Variants in ALOX5 observed in about 807,000 individuals in gnomAD.
ALOX5 encodes arachidonate 5-lipoxygenase.
Under a neutral mutation model 87.9 loss-of-function variants are expected in ALOX5, and 64 were observed. The ratio of observed to expected loss-of-function variants is 0.73; its 90% CI spans 0.60 to 0.90. The LOEUF is 0.90. Among genes scored for constraint, ALOX5 ranks in the 40% least tolerant of loss-of-function variants. ALOX5 has a pLI of 0.00. For missense variants in ALOX5, 822 were observed against 907.5 expected (o/e 0.91, Z 1.21); for synonymous variants, 388 against 355.1 (o/e 1.09, Z -1.04).
chr10:45,440,360 G>A, intron 7 of ALOX5, 70 bp from the exon 8 acceptor site: 2 of 1,509,594 alleles, frequency 1.3e-6, no homozygotes, highest in Non-Finnish European at 1.8e-6. Context: ...TTCCCAAGAG[G>A]CGAAGTTCTC....
At chr10:45,409,404 T>G (rs1330578515) in intron 3 of ALOX5, among the ~76,000 whole-genome samples, 1 of 152,220 alleles carries the variant, frequency 6.6e-6, no homozygotes, top group African/African-American at 2.4e-5. Flanking sequence ...CTTTGTCTGT[T>G]TCTCTATTGA....
chr10:45,437,558 G>A (rs1345361971), intron 7 of ALOX5, among the ~76,000 whole-genome samples: 1 of 152,184 alleles, frequency 6.6e-6, no homozygotes, highest in Admixed American at 6.5e-5. Context: ...AAGGGAATGA[G>A]TACATTCTAT....
At chr10:45,445,300 A>C (rs1842401469) in intron 13 of ALOX5, among the ~76,000 whole-genome samples, 2 of 152,194 alleles carry the variant, frequency 1.3e-5, no homozygotes, top group East Asian at 3.9e-4. Flanking sequence ...CCAGCCCTGG[A>C]GCCTTCCTTA....
intron 7 of ALOX5, among the ~76,000 whole-genome samples, chr10:45,432,915 A>C (rs529935538): frequency 1.3e-5 from 2 of 152,262 alleles, no homozygotes; most frequent in Non-Finnish European, 1.5e-5. Context: ...GACAGCTAAG[A>C]GATGCCTATC....
intron 3 of ALOX5, among the ~76,000 whole-genome samples, chr10:45,398,844 C>A (rs181424761): frequency 1.1e-3 from 174 of 152,284 alleles, no homozygotes; most frequent in African/African-American, 3.9e-3. Flanking sequence ...GAAATCAGAA[C>A]CCTCATACAC....
intron 4 of ALOX5, among the ~76,000 whole-genome samples, chr10:45,422,208 AG>A (rs968546868): frequency 1.3e-5 from 2 of 152,140 alleles, no homozygotes; most frequent in African/African-American, 4.8e-5. Flanking sequence ...GCATGTTCAC[AG>A]GGTGATTCCC....
Position 45,412,223 on chromosome 10 carries a change from G to A in ALOX5, c.464G>A (p.Ser155Asn), listed in dbSNP as rs201476005. 10 of 1,614,100 alleles carry A rather than the reference G, an allele frequency of 6.2e-6. No homozygotes were observed. Among genetic ancestry groups the A allele is most frequent in the African/African-American group, 1.3e-5 (1 of 75,006 alleles). ...GAGTGGAACCCTGGCTTCCCCTTGA[G>A]CATCGATGCCAAATGCCACAAGGAT... ...WMEWNPGFPL[S>N]IDAKCHKDLP... Residue 155 changes from serine (S) to asparagine (N), a missense_variant, in exon 4 of 14, where the codon AGC (serine) becomes AAC (asparagine). By Grantham distance (46) the Ser-to-Asn change is conservative (BLOSUM62 1). Transcript: ENST00000374391.
intron 2 of ALOX5, among the ~76,000 whole-genome samples, chr10:45,384,362 T>C (rs1282660422): frequency 6.6e-6 from 1 of 152,188 alleles, no homozygotes; most frequent in Non-Finnish European, 1.5e-5. Flanking sequence ...AGTTCCATTC[T>C]CTCTACTGCT....
At chr10:45,388,553 C>T (rs867104098) in intron 2 of ALOX5, among the ~76,000 whole-genome samples, 6 of 152,252 alleles carry the variant, frequency 3.9e-5, no homozygotes, top group African/African-American at 1.4e-4. Flanking sequence ...GTTCTGCAGC[C>T]TCTGCTGCTG....
At chr10:45,411,215 T>A (rs1327147432) in intron 3 of ALOX5, among the ~76,000 whole-genome samples, 1 of 152,230 alleles carries the variant, frequency 6.6e-6, no homozygotes, top group South Asian at 2.1e-4. Flanking sequence ...GTCACTTTCA[T>A]CACCATCTTA....
At chr10:45,408,689 C>T (rs1840964001) in intron 3 of ALOX5, among the ~76,000 whole-genome samples, 2 of 152,154 alleles carry the variant, frequency 1.3e-5, no homozygotes, top group African/African-American at 4.8e-5. Context: ...CCATTCCTAT[C>T]ATGGCCTGAA....
chr10:45,427,566 G>A (rs1173367517), intron 6 of ALOX5, among the ~76,000 whole-genome samples: 2 of 152,232 alleles, frequency 1.3e-5, no homozygotes, highest in Non-Finnish European at 2.9e-5. Flanking sequence ...TCCTGCGCGC[G>A]GGCGCGGTCG....
intron 3 of ALOX5, among the ~76,000 whole-genome samples, chr10:45,408,066 A>AT (rs1840943453): frequency 6.6e-6 from 1 of 151,778 alleles, no homozygotes; most frequent in Non-Finnish European, 1.5e-5. Flanking sequence ...TATTTCTTTG[A>AT]TTTTTTTCAC....
intron 1 of ALOX5, among the ~76,000 whole-genome samples, chr10:45,375,857 G>C (rs1398052020): frequency 6.6e-6 from 1 of 152,230 alleles, no homozygotes; most frequent in Admixed American, 6.5e-5. Context: ...CCTGAGGACT[G>C]CGGTGCCCTG....
intron 3 of ALOX5, among the ~76,000 whole-genome samples, chr10:45,407,234 G>C (rs1417452275): frequency 4.6e-5 from 7 of 152,032 alleles, no homozygotes; most frequent in African/African-American, 1.7e-4. Context: ...TCTAATGATA[G>C]TTTGTTTCTT....
chr10:45,419,591 C>T (rs531085481), intron 4 of ALOX5, among the ~76,000 whole-genome samples: 1 of 152,206 alleles, frequency 6.6e-6, no homozygotes, highest in Non-Finnish European at 1.5e-5. Context: ...GGGGGATGAT[C>T]GGTAGGGAGT....
chr10:45,382,784 G>A lies in ALOX5; in HGVS notation c.349+103G>A, dbSNP rs563101015. The A allele has an allele frequency of 3.6e-6, 5 of 1,384,102 alleles. No homozygotes were observed. The Admixed American group carries it at 6.2e-5, about 17-fold the overall frequency. The allele number at this position is 1,384,102 out of a possible 1,614,324, so 85.7% of individuals were successfully genotyped here. A position where few individuals can be genotyped will look rare whatever the true frequency, so the allele number is the denominator to read the frequency against. On this transcript the variant is annotated intron_variant, in intron 2 of 13. Coordinates refer to ENST00000374391, the MANE Select transcript of ALOX5 (RefSeq NM_000698.5). Reference sequence around the variant, plus strand: ...TAGGAGGAATGACACTGCTGTGCAGGGGCGGGAAGTGGGAGGGCTCTGCCC... The same window carrying A: ...TAGGAGGAATGACACTGCTGTGCAGAGGCGGGAAGTGGGAGGGCTCTGCCC...
chr10:45,383,938 C>T (rs954591188), intron 2 of ALOX5, among the ~76,000 whole-genome samples: 1 of 152,158 alleles, frequency 6.6e-6, no homozygotes, highest in African/African-American at 2.4e-5. Context: ...CTCCCTCCTG[C>T]ACATCTACCC....
intron 1 of ALOX5, among the ~76,000 whole-genome samples, chr10:45,379,876 C>T (rs1295251253): frequency 2.0e-5 from 3 of 152,132 alleles, no homozygotes; most frequent in Admixed American, 6.5e-5. Flanking sequence ...GACCCCAGGG[C>T]CCACCGAGCC....
Sources: gnomAD v4.1 joint callset for allele counts (sites outside exome capture counted in the v4.1 genomes callset) on GRCh38, gnomAD v4.1.1 for gene constraint, MANE v1.5 for transcripts, NCBI Gene and HGNC (gene_info 2026-07-23, HGNC 2026-07-21) for gene names.